FAM53B: variants seen among roughly 807,000 people sequenced by gnomAD.
The protein encoded by FAM53B is family with sequence similarity 53 member B, also known as protein FAM53B.
Under a neutral mutation model 32.7 loss-of-function variants are expected in FAM53B, and 12 were observed. The ratio of observed to expected loss-of-function variants is 0.37; its 90% CI spans 0.24 to 0.59. The LOEUF (loss-of-function observed/expected upper bound fraction) is 0.59, where lower values mean the gene tolerates loss of function less well. FAM53B is among the 20% of genes least tolerant of loss of function. FAM53B has a pLI of 0.72. For synonymous variants in FAM53B, 234 were observed against 228.7 expected (o/e 1.02, Z -0.21); for missense variants, 477 against 577.7 (o/e 0.83, Z 1.79).
rs1722280766 is a variant in FAM53B, at chr10:124,733,078, G to C, written c.-175+10935C>G. Among the ~76,000 whole-genome samples the C allele has an allele frequency of 6.6e-6, 1 of 152,172 alleles. No homozygotes were observed. The highest frequency in any genetic ancestry group is 6.5e-5 in the Admixed American group (1 of 15,284). On this transcript the variant is annotated intron_variant, in intron 1 of 4. Transcript: ENST00000337318. This position sits in a 1 kb window ranked among gnomAD's most constrained non-coding sequence, Gnocchi z 4.3. ...AACCTCCCCGGGAATGAGATGAACA[G>C]AGAGGTTTACTGTTAAAATCAAAAC...
chr10:124,619,588 A>G lies in FAM53B; in HGVS notation c.*3654T>C, dbSNP rs1949290984. The G allele has an allele frequency of 6.6e-6, 1 of 152,416 alleles. No homozygotes were observed. The highest frequency in any genetic ancestry group is 1.5e-5 in the Non-Finnish European group (1 of 68,028). 9.4% of individuals were successfully genotyped at this position (152,416 alleles called of 1,614,324 possible). On this transcript the variant is annotated 3_prime_UTR_variant, in exon 5 of 5. Transcript: ENST00000337318. ...ACACTGAAAACACAAATCATTTGCC[A>G]AAAAGACTATGCTAGAAGGTCAGAC... is the stretch of plus-strand genomic sequence containing the variant.
At chr10:124,657,445 T>C (rs1244849969) in intron 4 of FAM53B, among the ~76,000 whole-genome samples, 1 of 152,190 alleles carries the variant, frequency 6.6e-6, no homozygotes, top group East Asian at 1.9e-4. Context: ...GAGTCACTTC[T>C]CAGCGTTATA....
intron 4 of FAM53B, among the ~76,000 whole-genome samples, chr10:124,629,654 G>A (rs1462733397): frequency 6.6e-6 from 1 of 152,212 alleles, no homozygotes; most frequent in Middle Eastern, 3.2e-3. Flanking sequence ...AAAACACCAG[G>A]CTATGAGAAT....
intron 1 of FAM53B, among the ~76,000 whole-genome samples, chr10:124,732,846 CT>C (rs1431249854): frequency 6.6e-6 from 1 of 151,162 alleles, no homozygotes; most frequent in Non-Finnish European, 1.5e-5. Flanking sequence ...AAAAAAAAAT[CT>C]TTTTTTCCCC....
Position 124,622,997 on chromosome 10 carries a change from A to C in FAM53B, c.*245T>G. 1 of 520,020 alleles carries C rather than the reference A, an allele frequency of 1.9e-6. No individual in the cohort carries two copies. Among genetic ancestry groups the C allele is most frequent in the Non-Finnish European group, 3.4e-6 (1 of 295,352 alleles). The allele number at this position is 520,020 out of a possible 1,614,324, so 32.2% of individuals were successfully genotyped here. On this transcript the variant is annotated 3_prime_UTR_variant, in exon 5 of 5. Coordinates refer to ENST00000337318, the MANE Select transcript of FAM53B (RefSeq NM_014661.4). ...TCAAAGCTGTCCTCTGGGCTGCAGTAGTTCTGTGGACCTGGTGGCTGCCAC... is the reference window on the plus strand; with the variant it reads ...TCAAAGCTGTCCTCTGGGCTGCAGTCGTTCTGTGGACCTGGTGGCTGCCAC...
At chr10:124,633,940 T>C (rs1405413628) in intron 4 of FAM53B, among the ~76,000 whole-genome samples, 1 of 152,228 alleles carries the variant, frequency 6.6e-6, no homozygotes, top group Non-Finnish European at 1.5e-5. Context: ...AACATTTACA[T>C]GTCAAAAAAT....
At chr10:124,638,984 C>T (rs1468440829) in intron 4 of FAM53B, among the ~76,000 whole-genome samples, 2 of 152,210 alleles carry the variant, frequency 1.3e-5, no homozygotes, top group Non-Finnish European at 2.9e-5. Context: ...ACTGCATTTG[C>T]TAAGGCTTTT....
intron 4 of FAM53B, among the ~76,000 whole-genome samples, chr10:124,680,564 C>A (rs1332755555): frequency 2.6e-5 from 4 of 152,180 alleles, no homozygotes; most frequent in African/African-American, 9.7e-5. Flanking sequence ...CAGCTATGCC[C>A]ACCTGAAACG....
chr10:124,698,340 G>C (rs954365406), intron 2 of FAM53B, among the ~76,000 whole-genome samples: 3 of 152,108 alleles, frequency 2.0e-5, no homozygotes, highest in Non-Finnish European at 4.4e-5. Context: ...GGAGGGCTTG[G>C]GGCTTTCCAC....
chr10:124,634,287 G>A (rs555751908), intron 4 of FAM53B, among the ~76,000 whole-genome samples: 1 of 152,344 alleles, frequency 6.6e-6, no homozygotes, highest in South Asian at 2.1e-4. Flanking sequence ...GACGCTAAGT[G>A]AAGGAAGCCA....
At chr10:124,693,155 A>G (rs544247838) in intron 3 of FAM53B, among the ~76,000 whole-genome samples, 1 of 152,306 alleles carries the variant, frequency 6.6e-6, no homozygotes, top group South Asian at 2.1e-4. Flanking sequence ...CCGGCCCCTC[A>G]GAGTATTCTC....
intron 4 of FAM53B, among the ~76,000 whole-genome samples, chr10:124,628,650 C>A (rs1320485396): frequency 6.6e-6 from 1 of 152,230 alleles, no homozygotes; most frequent in Non-Finnish European, 1.5e-5. Flanking sequence ...GCAGTGCCCA[C>A]TCTCCACTGC....
intron 4 of FAM53B, among the ~76,000 whole-genome samples, chr10:124,648,470 G>T (rs2362516): frequency 6.6e-6 from 1 of 152,236 alleles, no homozygotes; most frequent in South Asian, 2.1e-4. Context: ...ACATCTCCCC[G>T]CTCCTTGGGA....
intron 1 of FAM53B, among the ~76,000 whole-genome samples, chr10:124,708,741 A>T (rs1949978522): frequency 6.6e-6 from 1 of 152,186 alleles, no homozygotes; most frequent in Non-Finnish European, 1.5e-5. Context: ...GTGAGCCCCA[A>T]TTCAGCTCTA....
At chr10:124,688,911 G>A (rs1396944922) in intron 3 of FAM53B, among the ~76,000 whole-genome samples, 1 of 152,148 alleles carries the variant, frequency 6.6e-6, no homozygotes. Flanking sequence ...GCCCTAGAGA[G>A]CTCTGTGCTA....
chr10:124,741,071 G>A (rs1042008395), intron 1 of FAM53B, among the ~76,000 whole-genome samples: 10 of 152,328 alleles, frequency 6.6e-5, no homozygotes, highest in African/African-American at 2.4e-4. Flanking sequence ...GGGTTTGCAA[G>A]GACTAGTTCA....
At chr10:124,697,701 G>T (rs116495620) in intron 2 of FAM53B, among the ~76,000 whole-genome samples, 3 of 152,092 alleles carry the variant, frequency 2.0e-5, no homozygotes, top group East Asian at 1.9e-4. Flanking sequence ...GCAGCCTCCT[G>T]GGGGGGATGC....
At chr10:124,742,154 A>G (rs1387742671) in intron 1 of FAM53B, among the ~76,000 whole-genome samples, 2 of 152,188 alleles carry the variant, frequency 1.3e-5, no homozygotes, top group African/African-American at 4.8e-5. Context: ...AGCGCCTGGA[A>G]GCTGGATCGG....
intron 3 of FAM53B, among the ~76,000 whole-genome samples, chr10:124,685,641 C>T (rs912982412): frequency 3.9e-5 from 6 of 152,208 alleles, no homozygotes; most frequent in Non-Finnish European, 8.8e-5. Flanking sequence ...GGAGTTGATC[C>T]CACTCTCAGA....
Sources: allele counts gnomAD v4.1 joint callset (sites outside exome capture counted in the v4.1 genomes callset), GRCh38; gene constraint gnomAD v4.1.1; non-coding constraint Gnocchi (gnomAD v3.1); transcripts MANE v1.5; gene names NCBI Gene and HGNC (gene_info 2026-07-23, HGNC 2026-07-21).